DAG1: variants seen among roughly 807,000 people sequenced by gnomAD.
DAG1 encodes the protein dystroglycan 1 (dystrophin-associated glycoprotein 1).
In DAG1, 8 loss-of-function variants were observed where a neutral mutation model predicts 46.1. That is an observed-to-expected ratio of 0.17 (90% CI 0.10 to 0.31). The LOEUF (loss-of-function observed/expected upper bound fraction) is 0.31, where lower values mean the gene tolerates loss of function less well. Ranked by LOEUF, DAG1 falls within the 10% of genes least tolerant of loss-of-function variation. The pLI, the probability that DAG1 is intolerant of heterozygous loss-of-function variation, is 1.00. For synonymous variants in DAG1, 495 were observed against 481.8 expected (o/e 1.03, Z -0.36); for missense variants, 1,003 against 1,189.9 (o/e 0.84, Z 2.31).
chr3:49,502,047 A>G (rs1297601090), intron 1 of DAG1, among the ~76,000 whole-genome samples: 1 of 152,070 alleles, frequency 6.6e-6, no homozygotes, highest in African/African-American at 2.4e-5. Context: ...GGTGGCGCAC[A>G]CCTGTAGTTC....
At chr3:49,495,617 G>C (rs1219842744) in intron 1 of DAG1, among the ~76,000 whole-genome samples, 1 of 152,054 alleles carries the variant, frequency 6.6e-6, no homozygotes, top group Admixed American at 6.6e-5. Flanking sequence ...TACTCTAGCT[G>C]CTGCAGCCAA....
chr3:49,507,314 G>A (rs984232404), intron 1 of DAG1, among the ~76,000 whole-genome samples: 70 of 152,238 alleles, frequency 4.6e-4, no homozygotes, highest in Admixed American at 1.3e-3. Flanking sequence ...TGTAATCCCA[G>A]CACTTTGGGA....
At chr3:49,511,636 C>T (rs1001121481) in intron 2 of DAG1, among the ~76,000 whole-genome samples, 1 of 152,214 alleles carries the variant, frequency 6.6e-6, no homozygotes, top group Non-Finnish European at 1.5e-5. Flanking sequence ...ACCTCAGCCT[C>T]CCAAGTAGCT....
At chr3:49,498,696 T>TTTA (rs138073019) in intron 1 of DAG1, among the ~76,000 whole-genome samples, 40,946 of 149,456 alleles carry the variant, frequency 0.27, 6,116 homozygotes, top group Non-Finnish European at 0.3. Flanking sequence ...TCCCATTTTC[T>TTTA]TTATTATTAT....
At chr3:49,502,883 C>T (rs574772390) in intron 1 of DAG1, among the ~76,000 whole-genome samples, 9 of 152,174 alleles carry the variant, frequency 5.9e-5, no homozygotes, top group Admixed American at 2.0e-4. Context: ...GTGATCTGCC[C>T]GCCTTGGCCT....
chr3:49,521,356 G>A (rs1026072264), intron 2 of DAG1, among the ~76,000 whole-genome samples: 11 of 151,986 alleles, frequency 7.2e-5, no homozygotes, highest in Non-Finnish European at 1.3e-4. Flanking sequence ...TAGTAGAGAC[G>A]GGGTTTCACC....
intron 1 of DAG1, among the ~76,000 whole-genome samples, chr3:49,477,709 C>G (rs907211177): frequency 2.0e-5 from 3 of 152,198 alleles, no homozygotes; most frequent in Non-Finnish European, 4.4e-5. Context: ...CACCTATAAT[C>G]CCAGCACTTT....
chr3:49,495,206 A>G (rs775681340), intron 1 of DAG1, among the ~76,000 whole-genome samples: 9 of 152,150 alleles, frequency 5.9e-5, no homozygotes, highest in Non-Finnish European at 1.3e-4. Context: ...TGGGATAGCC[A>G]GGGGGAGTTT....
intron 1 of DAG1, among the ~76,000 whole-genome samples, chr3:49,481,576 C>A (rs1038374257): frequency 2.6e-5 from 4 of 152,098 alleles, no homozygotes; most frequent in African/African-American, 9.7e-5. Context: ...GAGACCTAGT[C>A]TCAGTGTTCC....
chr3:49,526,023 G>A (rs34196454), intron 2 of DAG1, among the ~76,000 whole-genome samples: 42,557 of 151,414 alleles, frequency 0.28, 6,520 homozygotes, highest in Middle Eastern at 0.31. Flanking sequence ...GCTAATTTTC[G>A]TATTTTTAGT....
chr3:49,525,770 G>A (rs1279255886), intron 2 of DAG1, among the ~76,000 whole-genome samples: 1 of 151,798 alleles, frequency 6.6e-6, no homozygotes, highest in Non-Finnish European at 1.5e-5. Context: ...ATGTTAGCCA[G>A]GATGGTCTTG....
chr3:49,492,475 C>T (rs1022989002), intron 1 of DAG1, among the ~76,000 whole-genome samples: 1 of 151,948 alleles, frequency 6.6e-6, no homozygotes, highest in African/African-American at 2.4e-5. Flanking sequence ...GGTAAGGCCC[C>T]ATCTCTACAA....
chr3:49,532,618 A>G lies in DAG1; in HGVS notation c.2107A>G (p.Thr703Ala), dbSNP rs2051390590. ...SNALEPDFKA[T>A]SITVTGSGSC... ...CGCCCTAGAGCCTGACTTTAAGGCC[A>G]CAAGCATCACTGTGACGGGCTCTGG... Residue 703 changes from threonine (T) to alanine (A), a missense_variant, in exon 3 of 3, where the codon ACA becomes GCA. Physicochemically the swap from Thr to Ala is moderately conservative, Grantham distance 58. Transcript: ENST00000308775. This position sits in a 1 kb window ranked among gnomAD's most constrained non-coding sequence, Gnocchi z 5.4. 1.2e-6 allele frequency: 2 copies of G among 1,613,316 alleles called. No homozygotes were observed. Among genetic ancestry groups the G allele is most frequent in the Admixed American group, 1.7e-5 (1 of 59,980 alleles).
At chr3:49,520,692 G>A (rs1170217173) in intron 2 of DAG1, among the ~76,000 whole-genome samples, 1 of 152,222 alleles carries the variant, frequency 6.6e-6, no homozygotes, top group Non-Finnish European at 1.5e-5. Flanking sequence ...GATGGAAGGT[G>A]CCACCACCAA....
chr3:49,526,945 C>T (rs181375730), intron 2 of DAG1, among the ~76,000 whole-genome samples: 1 of 152,292 alleles, frequency 6.6e-6, no homozygotes, highest in Non-Finnish European at 1.5e-5. Flanking sequence ...TCAAGGATGG[C>T]TTCGCTGTGG....
intron 2 of DAG1, among the ~76,000 whole-genome samples, chr3:49,527,139 C>A (rs527266562): frequency 6.6e-6 from 1 of 150,850 alleles, no homozygotes; most frequent in Non-Finnish European, 1.5e-5. Flanking sequence ...TGCCTGTAAT[C>A]CCAGCACTTT....
rs777434103 is a variant in DAG1, at chr3:49,533,360, C to T, written c.*161C>T. ...CCTGGACAAGCCCGCCCTCTCTGGT[C>T]CTCCCAAACCCCAAAGCAGCTGGAG... On this transcript the variant is annotated 3_prime_UTR_variant, in exon 3 of 3. Transcript: ENST00000308775. The T allele has an allele frequency of 5.7e-6, 6 of 1,049,484 alleles. No individual in the cohort carries two copies. In the African/African-American group the frequency reaches 6.3e-5, roughly 11 times the overall value. The allele number at this position is 1,049,484 out of a possible 1,614,324, so 65.0% of individuals were successfully genotyped here.
intron 2 of DAG1, among the ~76,000 whole-genome samples, chr3:49,512,235 T>C (rs2050778846): frequency 6.6e-6 from 1 of 151,886 alleles, no homozygotes; most frequent in Admixed American, 6.6e-5. Flanking sequence ...AGAGTTTCGC[T>C]CTTGTCGCCC....
chr3:49,472,873 A>T (rs1191082984), intron 1 of DAG1, among the ~76,000 whole-genome samples: 1 of 152,124 alleles, frequency 6.6e-6, no homozygotes, highest in Non-Finnish European at 1.5e-5. Context: ...TAATCCCAGC[A>T]CTTTGGGATT....
Sources: gnomAD v4.1 joint callset for allele counts (sites outside exome capture counted in the v4.1 genomes callset) on GRCh38, gnomAD v4.1.1 for gene constraint, Gnocchi (gnomAD v3.1) non-coding constraint, MANE v1.5 for transcripts, NCBI Gene and HGNC (gene_info 2026-07-23, HGNC 2026-07-21) for gene names.